PHF21A: variants seen among roughly 807,000 people sequenced by gnomAD.
The protein encoded by PHF21A is BHC80a.
Under a neutral mutation model 82.5 loss-of-function variants are expected in PHF21A, and 11 were observed. That is an observed-to-expected ratio of 0.13 (90% CI 0.08 to 0.22). The LOEUF is 0.22. Ranked by LOEUF, PHF21A falls within the 10% of genes least tolerant of loss-of-function variation. The pLI is 1.00. For missense variants in PHF21A, 579 were observed against 837.8 expected (o/e 0.69, Z 3.81); for synonymous variants, 297 against 302.8 (o/e 0.98, Z 0.20).
chr11:46,066,424 G>A (rs970949912), intron 6 of PHF21A, among the ~76,000 whole-genome samples: 2 of 152,156 alleles, frequency 1.3e-5, no homozygotes, highest in African/African-American at 2.4e-5. Context: ...AATTCAGCCA[G>A]CCATTGTGGC....
chr11:46,093,163 C>T (rs1442025191), intron 1 of PHF21A, among the ~76,000 whole-genome samples: 1 of 152,120 alleles, frequency 6.6e-6, no homozygotes, highest in Non-Finnish European at 1.5e-5. Flanking sequence ...TTTTGGGATC[C>T]CAATCCAATA....
intron 7 of PHF21A, among the ~76,000 whole-genome samples, chr11:45,978,450 T>C (rs553197446): frequency 3.9e-5 from 6 of 152,218 alleles, no homozygotes; most frequent in Non-Finnish European, 5.9e-5. Context: ...AATGTTAACT[T>C]ATCTTTAGTG....
chr11:46,050,816 T>C (rs1182860244), intron 6 of PHF21A, among the ~76,000 whole-genome samples: 1 of 152,200 alleles, frequency 6.6e-6, no homozygotes, highest in Non-Finnish European at 1.5e-5. Flanking sequence ...AAAGGAAGTA[T>C]GTCCAGCAAC....
At chr11:46,098,065 C>T (rs1409780106) in intron 1 of PHF21A, among the ~76,000 whole-genome samples, 1 of 152,194 alleles carries the variant, frequency 6.6e-6, no homozygotes, top group African/African-American at 2.4e-5. Context: ...CTATTTCCTT[C>T]AGTACCTAGG....
intron 5 of PHF21A, 83 bp from the exon 6 acceptor site, chr11:46,076,902 T>A: frequency 9.2e-7 from 1 of 1,086,886 alleles, no homozygotes; most frequent in Non-Finnish European, 1.4e-6. Context: ...CATACTGCAT[T>A]ACAAATGATG....
chr11:45,936,787 G>C (rs2089171002), intron 16 of PHF21A: 1 of 516,586 alleles, frequency 1.9e-6, no homozygotes, highest in East Asian at 3.4e-5. Context: ...CAGGACACTT[G>C]AGCCCAGGCT....
At chr11:46,110,872 G>A (rs1309622534) in intron 1 of PHF21A, among the ~76,000 whole-genome samples, 4 of 150,302 alleles carry the variant, frequency 2.7e-5, no homozygotes, top group South Asian at 2.1e-4. Flanking sequence ...TGCAACCTCC[G>A]CCTTCTGGGT....
intron 6 of PHF21A, among the ~76,000 whole-genome samples, chr11:46,072,520 AG>A (rs1266132929): frequency 6.6e-6 from 1 of 152,170 alleles, no homozygotes; most frequent in Non-Finnish European, 1.5e-5. Flanking sequence ...CCCTAGCCCT[AG>A]GGGGACCTAT....
intron 6 of PHF21A, among the ~76,000 whole-genome samples, chr11:46,068,153 T>C (rs1445720696): frequency 6.6e-6 from 1 of 152,156 alleles, no homozygotes; most frequent in Non-Finnish European, 1.5e-5. Context: ...CTAATGAGCT[T>C]GAATGCCTTG....
chr11:46,109,606 A>G (rs1319300945), intron 1 of PHF21A, among the ~76,000 whole-genome samples: 1 of 152,172 alleles, frequency 6.6e-6, no homozygotes, highest in Non-Finnish European at 1.5e-5. Context: ...GTACATTTAT[A>G]TTTATAATAT....
In PHF21A at chr11:45,933,005, G is replaced by A. The variant is rs1384168074; in HGVS notation, c.*963C>T. ...AAAATTAAAGAAAGAGAAAAGAAAC[G>A]TCTCCATTCAATTCACACACACCTG... On this transcript the variant is annotated 3_prime_UTR_variant, in exon 19 of 19. Transcript: ENST00000676320. The A allele has an allele frequency of 2.0e-5, 3 of 152,612 alleles. No homozygotes were observed. Among genetic ancestry groups the A allele is most frequent in the Non-Finnish European group, 2.9e-5 (2 of 68,038 alleles). The allele number at this position is 152,612 out of a possible 1,614,324, so 9.5% of individuals were successfully genotyped here.
intron 6 of PHF21A, among the ~76,000 whole-genome samples, chr11:46,021,466 C>A (rs1205339081): frequency 6.6e-6 from 1 of 152,132 alleles, no homozygotes; most frequent in African/African-American, 2.4e-5. Flanking sequence ...TCATCCTGGG[C>A]CCAAGCATCA....
intron 6 of PHF21A, among the ~76,000 whole-genome samples, chr11:46,005,947 T>C (rs903448521): frequency 3.3e-5 from 5 of 152,128 alleles, no homozygotes; most frequent in Non-Finnish European, 5.9e-5. Context: ...AAATAAAACA[T>C]ACAATTTTAA....
intron 10 of PHF21A, among the ~76,000 whole-genome samples, chr11:45,964,200 AAATAAT>A (rs58644528): frequency 1.6e-4 from 22 of 134,608 alleles, no homozygotes; most frequent in East Asian, 4.2e-4. Context: ...CTCCATCTCA[AAATAAT>A]AATAATAATA....
intron 6 of PHF21A, among the ~76,000 whole-genome samples, chr11:46,033,124 G>T (rs1435709807): frequency 6.6e-6 from 1 of 152,110 alleles, no homozygotes; most frequent in African/African-American, 2.4e-5. Context: ...CAAGTCTCAT[G>T]AAATTCTCCA....
rs911333446 is a variant in PHF21A, at chr11:46,120,570, G to T, written c.-237+365C>A. ...GGAGGGGTGGAGGGCAGAGGGGAGG[G>T]GGGGGAGCCAAGGTTTTCCCATTGT... On this transcript the variant is annotated intron_variant, in intron 1 of 18. Coordinates refer to ENST00000676320, the MANE Select transcript of PHF21A (RefSeq NM_001352027.3). 3.3e-5 allele frequency: 5 copies of T among 152,518 alleles called. No individual in the cohort carries two copies. In the East Asian group the frequency reaches 5.8e-4, roughly 18 times the overall value. The allele number at this position is 152,518 out of a possible 1,614,324, so 9.4% of individuals were successfully genotyped here.
chr11:46,114,086 T>TACACACAC (rs57387891), intron 1 of PHF21A, among the ~76,000 whole-genome samples: 5 of 149,162 alleles, frequency 3.4e-5, no homozygotes, highest in African/African-American at 1.2e-4. Context: ...TCTAATTCCC[T>TACACACAC]ACACACACAC....
intron 6 of PHF21A, among the ~76,000 whole-genome samples, chr11:45,980,871 G>A (rs1008089811): frequency 1.3e-5 from 2 of 152,112 alleles, no homozygotes; most frequent in Non-Finnish European, 2.9e-5. Context: ...TTCTTTGCTG[G>A]GACAGGTTCT....
At chr11:46,045,966 C>T (rs537107289) in intron 6 of PHF21A, among the ~76,000 whole-genome samples, 41 of 152,142 alleles carry the variant, frequency 2.7e-4, no homozygotes, top group Non-Finnish European at 5.3e-4. Context: ...GATAAAGTAC[C>T]GTATTAAAAC....
Sources: allele counts gnomAD v4.1 joint callset (sites outside exome capture counted in the v4.1 genomes callset), GRCh38; gene constraint gnomAD v4.1.1; transcripts MANE v1.5; gene names NCBI Gene and HGNC (gene_info 2026-07-23, HGNC 2026-07-21).